ANKH: variants seen among roughly 807,000 people sequenced by gnomAD.
ANKH encodes mineralization regulator ANKH.
A neutral mutation model predicts 49.0 loss-of-function variants in ANKH; 15 were observed. That is an observed-to-expected ratio of 0.31 (90% CI 0.20 to 0.47). The LOEUF (loss-of-function observed/expected upper bound fraction) is 0.47. Ranked by LOEUF, ANKH falls within the 20% of genes least tolerant of loss-of-function variation. The pLI is 1.00. For missense variants in ANKH, 429 were observed against 652.0 expected (o/e 0.66, Z 3.72); for synonymous variants, 273 against 260.0 (o/e 1.05, Z -0.48).
intron 9 of ANKH, among the ~76,000 whole-genome samples, chr5:14,714,399 A>G (rs956521655): frequency 6.6e-6 from 1 of 152,194 alleles, no homozygotes; most frequent in African/African-American, 2.4e-5. Context: ...TCTAGATTCC[A>G]TCTGAAACTG....
chr5:14,846,153 G>A (rs1425286461), intron 1 of ANKH, among the ~76,000 whole-genome samples: 1 of 152,086 alleles, frequency 6.6e-6, no homozygotes, highest in Non-Finnish European at 1.5e-5. Context: ...CACCGCGCCC[G>A]GCCGTAAAAC....
intron 1 of ANKH, among the ~76,000 whole-genome samples, chr5:14,833,925 G>C (rs33101): frequency 0.35 from 53,246 of 151,900 alleles, 9,388 homozygotes; most frequent in Admixed American, 0.4. Flanking sequence ...CTGCCTCAGA[G>C]TTGGCAGCAC....
rs1741857679 is a variant in ANKH, at chr5:14,843,085, C to T, written c.96+28267G>A. On this transcript the variant is annotated intron_variant, in intron 1 of 11. Transcript: ENST00000284268. ...AAGCAATTAGAACATTCAGACATTGCTAATTGCCTACAACTCAGCAGCAGC... is the reference window on the plus strand; with the variant it reads ...AAGCAATTAGAACATTCAGACATTGTTAATTGCCTACAACTCAGCAGCAGC... 2.0e-5 allele frequency among the ~76,000 whole-genome samples: 3 copies of T among 151,992 alleles called. No individual in the cohort carries two copies. The South Asian group carries it at 6.2e-4, about 32-fold the overall frequency.
chr5:14,793,023 T>TATATATATAAAAATATATATATATAA (rs1385758620), intron 1 of ANKH, among the ~76,000 whole-genome samples: 7,666 of 61,916 alleles, frequency 0.12, 724 homozygotes, highest in Middle Eastern at 0.28. Context: ...TATATATAAA[T>TATATATATAAAAATATATATATATAA]ATATATATAT....
At position 14,741,870 on chromosome 5, in the gene ANKH, T is replaced by C. The variant is rs1460562108; in HGVS notation, c.968A>G (p.His323Arg). The C allele has an allele frequency of 2.5e-6, 4 of 1,614,174 alleles. No individual in the cohort carries two copies. The highest frequency in any genetic ancestry group is 3.4e-6 in the Non-Finnish European group (4 of 1,180,028). Residue 323 changes from histidine to arginine, a missense_variant, in exon 8 of 12, where the codon CAC becomes CGC. His to Arg is a conservative substitution (Grantham distance 29, BLOSUM62 0). Around this residue, in one of 2 missense-constraint regions of ANKH, gnomAD observed 378 missense variants for 615.3 expected, o/e 0.61. Coordinates refer to ENST00000284268, the MANE Select transcript of ANKH (RefSeq NM_054027.6). Reference protein sequence around the residue: ...VSTSNTVTAAHIKKFTFVCMA... With the variant: ...VSTSNTVTAARIKKFTFVCMA... Reference sequence around the variant, plus strand: ...GCAGACGAAGGTGAACTTCTTGATGTGGGCTGCCGTGACTGTGTTGCTCGT... The same window carrying C: ...GCAGACGAAGGTGAACTTCTTGATGCGGGCTGCCGTGACTGTGTTGCTCGT...
chr5:14,788,378 T>C (rs893557192), intron 1 of ANKH, among the ~76,000 whole-genome samples: 1 of 152,228 alleles, frequency 6.6e-6, no homozygotes, highest in Non-Finnish European at 1.5e-5. Context: ...GCAAATATAC[T>C]TCATGATTGT....
chr5:14,813,947 C>T (rs1432378177), intron 1 of ANKH, among the ~76,000 whole-genome samples: 1 of 152,152 alleles, frequency 6.6e-6, no homozygotes, highest in East Asian at 1.9e-4. Context: ...AACTTGCCAG[C>T]CCCCAAGCAT....
chr5:14,818,232 T>G (rs561053000), intron 1 of ANKH, among the ~76,000 whole-genome samples: 2 of 152,286 alleles, frequency 1.3e-5, no homozygotes, highest in Admixed American at 6.5e-5. Flanking sequence ...GATTTGCTCA[T>G]ACTCCATATT....
chr5:14,747,676 C>T (rs1272109369), intron 6 of ANKH, among the ~76,000 whole-genome samples: 3 of 152,220 alleles, frequency 2.0e-5, no homozygotes, highest in African/African-American at 7.2e-5. Flanking sequence ...TCTGCCTAGC[C>T]TGCGAAGGAG....
At position 14,749,265 on chromosome 5, in the gene ANKH, A is replaced by C. The variant is rs754090198; in HGVS notation, c.729T>G (p.Pro243=). Residue 243 remains proline, a synonymous_variant, in exon 6 of 12, where the codon CCT becomes CCG. Transcript: ENST00000284268. ...TCTGTGTGGCCAGAATTAGAGCCAAAGGCCACCAGAAGCTCAGCATCTTTC... is the reference window on the plus strand; with the variant it reads ...TCTGTGTGGCCAGAATTAGAGCCAACGGCCACCAGAAGCTCAGCATCTTTC... ...TIRKMLSFWW[P]LALILATQRI... The C allele has an allele frequency of 8.7e-6, 14 of 1,614,226 alleles. No individual in the cohort carries two copies. Among genetic ancestry groups the C allele is most frequent in the Non-Finnish European group, 1.2e-5 (14 of 1,180,018 alleles).
intron 7 of ANKH, among the ~76,000 whole-genome samples, chr5:14,743,055 T>G (rs971375940): frequency 3.3e-5 from 5 of 152,238 alleles, no homozygotes; most frequent in Admixed American, 3.3e-4. Flanking sequence ...GGAAAAGAGC[T>G]TGTGCTTTTC....
chr5:14,757,417 T>C (rs1301833146), intron 3 of ANKH, among the ~76,000 whole-genome samples: 3 of 127,426 alleles, frequency 2.4e-5, no homozygotes, highest in East Asian at 2.0e-4. Flanking sequence ...TTGGAACATA[T>C]ATATATATAT....
chr5:14,830,601 T>C lies in ANKH; in HGVS notation c.96+40751A>G, dbSNP rs535615671. On this transcript the variant is annotated intron_variant, in intron 1 of 11. Coordinates refer to ENST00000284268, the MANE Select transcript of ANKH (RefSeq NM_054027.6). ...AAACAACACTGCTAACTTAGAAAGT[T>C]AGAAAAATAATTTGGTCATAACTGA... is the stretch of plus-strand genomic sequence containing the variant. Among the ~76,000 whole-genome samples, 18 of 152,024 alleles carry C rather than the reference T, an allele frequency of 1.2e-4. 1 individual carries two copies. The South Asian group carries it at 1.7e-3, about 14-fold the overall frequency.
chr5:14,729,982 C>T (rs915124019), intron 8 of ANKH, among the ~76,000 whole-genome samples: 3 of 152,202 alleles, frequency 2.0e-5, no homozygotes, highest in South Asian at 2.1e-4. Context: ...TCCTCAGTTC[C>T]GCAGGGTTGC....
chr5:14,818,324 C>T (rs1741097924), intron 1 of ANKH, among the ~76,000 whole-genome samples: 1 of 151,948 alleles, frequency 6.6e-6, no homozygotes, highest in African/African-American at 2.4e-5. Flanking sequence ...TGGTGCTATT[C>T]CATCTTTTTT....
intron 1 of ANKH, among the ~76,000 whole-genome samples, chr5:14,837,924 T>C (rs1741702637): frequency 6.6e-6 from 1 of 152,240 alleles, no homozygotes; most frequent in Admixed American, 6.5e-5. Flanking sequence ...CATGGAATAC[T>C]ATGCAGCCAT....
At chr5:14,758,062 G>C (rs775624100) in intron 3 of ANKH, among the ~76,000 whole-genome samples, 6 of 152,218 alleles carry the variant, frequency 3.9e-5, no homozygotes, top group Non-Finnish European at 8.8e-5. Flanking sequence ...ACAAGATGTG[G>C]CCTAGACATT....
At chr5:14,835,771 C>A (rs1424486569) in intron 1 of ANKH, among the ~76,000 whole-genome samples, 1 of 152,144 alleles carries the variant, frequency 6.6e-6, no homozygotes, top group Non-Finnish European at 1.5e-5. Context: ...TTTTATGAGG[C>A]CAGCATCATC....
rs1579997960 is a variant in ANKH, at chr5:14,713,058, G to A, written c.1266-85C>T. ...GATGCCAAAACCCAGGAAAGTAAGTGTAGCCTCGAGACGGCTGAGACCAGC... is the reference window on the plus strand; with the variant it reads ...GATGCCAAAACCCAGGAAAGTAAGTATAGCCTCGAGACGGCTGAGACCAGC... On this transcript the variant is annotated intron_variant, in intron 10 of 11. Transcript: ENST00000284268. The surrounding 1 kb of genome is among the most constrained non-coding windows in gnomAD (Gnocchi z 4.4). The A allele has an allele frequency of 7.6e-7, 1 of 1,323,574 alleles. No homozygotes were observed. Among genetic ancestry groups the A allele is most frequent in the Non-Finnish European group, 1.1e-6 (1 of 941,832 alleles). 82.0% of individuals were successfully genotyped at this position (1,323,574 alleles called of 1,614,324 possible).
Sources: allele counts gnomAD v4.1 joint callset (sites outside exome capture counted in the v4.1 genomes callset), GRCh38; gene constraint gnomAD v4.1.1; regional missense constraint gnomAD v4.1.1; non-coding constraint Gnocchi (gnomAD v3.1); transcripts MANE v1.5; gene names NCBI Gene and HGNC (gene_info 2026-07-23, HGNC 2026-07-21).